The following FREM1 variants were observed in gnomAD, a reference collection of about 807,000 sequenced individuals.
FREM1 encodes the protein FRAS1-related extracellular matrix protein 1.
FREM1 carries 220 observed loss-of-function variants against 210.1 expected under a neutral mutation model. The ratio of observed to expected loss-of-function variants is 1.05; its 90% CI spans 0.94 to 1.17. FREM1 has a LOEUF of 1.17. FREM1 is among the 50% of genes most tolerant of loss of function. The pLI is 0.00. For synonymous variants in FREM1, 1,189 were observed against 980.2 expected, an observed-to-expected ratio of 1.21 and a Z score of -3.98; for missense variants, 3,454 against 2,675.5, an observed-to-expected ratio of 1.29 and a Z score of -6.42.
intron 10 of FREM1, among the ~76,000 whole-genome samples, chr9:14,828,135 T>C (rs1822830343): frequency 6.6e-6 from 1 of 152,142 alleles, no homozygotes; most frequent in Admixed American, 6.5e-5. Context: ...TGCAACGCCA[T>C]CCAGGAAAGC....
rs1279932980 is a variant in FREM1, at chr9:14,836,321, T to TG, written c.1881+5125dup. Among the ~76,000 whole-genome samples the TG allele has an allele frequency of 2.0e-5, 3 of 152,238 alleles. No individual in the cohort carries two copies. The highest frequency in any genetic ancestry group is 2.9e-5 in the Non-Finnish European group (2 of 68,042). On this transcript the variant is annotated intron_variant, in intron 10 of 36. Coordinates refer to ENST00000380880, the MANE Select transcript of FREM1 (RefSeq NM_001379081.2). The surrounding 1 kb of genome is among the most constrained non-coding windows in gnomAD (Gnocchi z 4.9). ...TTTGCTTAATTATTATCCTTATAACTGGGATAATAGTTACTGACAAAAAGA... is the reference window on the plus strand; with the variant it reads ...TTTGCTTAATTATTATCCTTATAACTGGGGATAATAGTTACTGACAAAAAGA...
At chr9:14,814,586 T>C (rs1318661920) in intron 15 of FREM1, among the ~76,000 whole-genome samples, 1 of 152,208 alleles carries the variant, frequency 6.6e-6, no homozygotes, top group Non-Finnish European at 1.5e-5. Flanking sequence ...TACTTTTCTA[T>C]TGGCTTATTA....
At chr9:14,769,626 T>G in intron 27 of FREM1, 98 bp downstream of exon 27, 1 of 1,251,622 alleles carries the variant, frequency 8.0e-7, no homozygotes, top group Non-Finnish European at 1.1e-6. Flanking sequence ...TAATTTATCT[T>G]CTTGGGTTCT....
chr9:14,789,257 C>A, intron 22 of FREM1, 143 bp from the exon 23 acceptor site: 1 of 545,686 alleles, frequency 1.8e-6, no homozygotes, highest in Non-Finnish European at 3.1e-6. Context: ...TGCCACTTTA[C>A]CTGATTTTTT....
chr9:14,753,885 G>A (rs1023730463), intron 29 of FREM1, among the ~76,000 whole-genome samples: 2 of 152,038 alleles, frequency 1.3e-5, no homozygotes, highest in Non-Finnish European at 2.9e-5. Flanking sequence ...TATAAGATAT[G>A]CTTATATTAT....
intron 8 of FREM1, among the ~76,000 whole-genome samples, chr9:14,844,066 T>C (rs140454834): frequency 2.8e-4 from 43 of 152,212 alleles, no homozygotes; most frequent in African/African-American, 9.4e-4. Context: ...GAATGCTTTC[T>C]ACAGTGTCTG....
chr9:14,831,519 G>C (rs894870787), intron 10 of FREM1, among the ~76,000 whole-genome samples: 5 of 152,164 alleles, frequency 3.3e-5, no homozygotes, highest in Non-Finnish European at 7.4e-5. Context: ...ATGGCCATTT[G>C]GTTCCTACAT....
chr9:14,859,347 T>G lies in FREM1; in HGVS notation c.467A>C (p.Lys156Thr), dbSNP rs745760677. Residue 156 changes from lysine (K) to threonine (T), a missense_variant, in exon 4 of 37, where the codon AAA becomes ACA. Lys to Thr is a moderately conservative substitution (Grantham distance 78). Transcript: ENST00000380880. ...EFNGLSQAIDKNLLRFDYDRM... is the reference protein window; with the variant it reads ...EFNGLSQAIDTNLLRFDYDRM... ...ATCATAATCGAATCTGAGCAGATTT[T>G]TATCAATCGCTTGGGACAAGCCATT... The G allele has an allele frequency of 1.2e-6, 2 of 1,613,936 alleles. No individual in the cohort carries two copies. Among genetic ancestry groups the G allele is most frequent in the Non-Finnish European group, 1.7e-6 (2 of 1,179,880 alleles).
intron 1 of FREM1, among the ~76,000 whole-genome samples, chr9:14,900,987 A>G (rs992501359): frequency 7.2e-5 from 11 of 152,262 alleles, no homozygotes; most frequent in Admixed American, 5.2e-4. Flanking sequence ...AGAAATTAAC[A>G]TAAAGTTTAG....
At chr9:14,876,338 G>A (rs4008119) in intron 1 of FREM1, among the ~76,000 whole-genome samples, 75,599 of 151,360 alleles carry the variant, frequency 0.5, 20,212 homozygotes, top group East Asian at 0.71. Flanking sequence ...CACGCAGTTC[G>A]AGCTTCCTGG....
chr9:14,808,528 G>C (rs143991445), intron 16 of FREM1, among the ~76,000 whole-genome samples: 190 of 152,294 alleles, frequency 1.2e-3, no homozygotes, highest in Middle Eastern at 0.01. Flanking sequence ...CCTTTGGTAA[G>C]TGTCTTTCCA....
At chr9:14,742,206 A>G (rs1479394696) in intron 35 of FREM1, among the ~76,000 whole-genome samples, 1 of 152,184 alleles carries the variant, frequency 6.6e-6, no homozygotes, top group African/African-American at 2.4e-5. Flanking sequence ...AGAATTAGAA[A>G]CAGAAGCTTT....
At chr9:14,851,948 G>C (rs973804037) in intron 5 of FREM1, among the ~76,000 whole-genome samples, 9 of 152,140 alleles carry the variant, frequency 5.9e-5, no homozygotes, top group Non-Finnish European at 5.9e-5. Flanking sequence ...CTTTTAATTT[G>C]TGTGATTTTA....
chr9:14,823,509 T>A (rs1019968157), intron 12 of FREM1, among the ~76,000 whole-genome samples, 182 bp from the exon 13 acceptor site: 5 of 152,224 alleles, frequency 3.3e-5, no homozygotes, highest in South Asian at 2.1e-4. Context: ...AACTTTTGCA[T>A]CAAACTAATA....
At chr9:14,780,425 G>A (rs1219203371) in intron 24 of FREM1, among the ~76,000 whole-genome samples, 2 of 74,734 alleles carry the variant, frequency 2.7e-5, no homozygotes, top group Non-Finnish European at 6.0e-5. Flanking sequence ...AATAGCGCCA[G>A]CTCCTCAGAA....
chr9:14,851,175 C>A (rs1827669310), intron 6 of FREM1, 109 bp downstream of exon 6: 4 of 811,798 alleles, frequency 4.9e-6, no homozygotes, highest in African/African-American at 1.7e-5. Flanking sequence ...GTGATTGATT[C>A]TTTTCTGAGG....
intron 1 of FREM1, among the ~76,000 whole-genome samples, chr9:14,898,752 A>C (rs1009603440): frequency 6.6e-6 from 1 of 152,228 alleles, no homozygotes; most frequent in Non-Finnish European, 1.5e-5. Flanking sequence ...CAAAACAAAA[A>C]CAAAACATAG....
In FREM1 at chr9:14,747,404, G is replaced by A; in HGVS notation, c.5869C>T (p.Leu1957=). Residue 1957 remains leucine, a synonymous_variant, in exon 33 of 37, where the codon CTG becomes TTG. Coordinates refer to ENST00000380880, the MANE Select transcript of FREM1 (RefSeq NM_001379081.2). Reference sequence around the variant, plus strand: ...TGAGTTGGGAAACTGTCATCCTCCAGTTTCAAGGAAACTATCCCATGATAC... The same window carrying A: ...TGAGTTGGGAAACTGTCATCCTCCAATTTCAAGGAAACTATCCCATGATAC... ...YNYHGIVSLK[L]EDDSFPTHKR... is the part of the protein sequence containing the mutation. 1 of 1,613,458 alleles carries A rather than the reference G, an allele frequency of 6.2e-7. No individual in the cohort carries two copies. The highest frequency in any genetic ancestry group is 8.5e-7 in the Non-Finnish European group (1 of 1,179,670).
At position 14,819,338 on chromosome 9, in the gene FREM1, G is replaced by C; in HGVS notation, c.2442C>G (p.Leu814=). The C allele has an allele frequency of 6.2e-7, 1 of 1,613,568 alleles. No homozygotes were observed. Among genetic ancestry groups the C allele is most frequent in the Non-Finnish European group, 8.5e-7 (1 of 1,179,498 alleles). The change falls in exon 14 of 37, where the codon CTC becomes CTG. Residue 814 remains leucine (L), a synonymous_variant. Coordinates refer to ENST00000380880, the MANE Select transcript of FREM1 (RefSeq NM_001379081.2). ...CGTGCAGAGGCAATTCCCGCAGGGA[G>C]AGGTCAATATTGTCCAGCTTGGTAT... ...DADTKLDNID[L]SLRELPLHGR... is the part of the protein sequence containing the mutation.
Sources: gnomAD v4.1 joint callset for allele counts (sites outside exome capture counted in the v4.1 genomes callset) on GRCh38, gnomAD v4.1.1 for gene constraint, Gnocchi (gnomAD v3.1) non-coding constraint, MANE v1.5 for transcripts, NCBI Gene and HGNC (gene_info 2026-07-23, HGNC 2026-07-21) for gene names.